SLX9: variants seen among roughly 807,000 people sequenced by gnomAD.
SLX9 encodes ribosome biogenesis protein SLX9 homolog.
SLX9 carries 19 observed loss-of-function variants against 20.8 expected under a neutral mutation model. The observed-to-expected ratio is 0.91, with a 90% confidence interval of 0.64 to 1.34. SLX9 has a LOEUF of 1.34. SLX9 is among the 40% of genes most tolerant of loss of function. The pLI is 0.00. For missense variants in SLX9, 299 were observed against 322.2 expected, an observed-to-expected ratio of 0.93 and a Z score of 0.55; for synonymous variants, 113 against 137.1, an observed-to-expected ratio of 0.82 and a Z score of 1.23.
At chr21:44,971,761 G>C (rs890203828) in intron 4 of SLX9, among the ~76,000 whole-genome samples, 7 of 152,208 alleles carry the variant, frequency 4.6e-5, no homozygotes, top group Non-Finnish European at 8.8e-5. Flanking sequence ...GGCAGTCAGT[G>C]AGGGAGCTGC....
intron 4 of SLX9, among the ~76,000 whole-genome samples, chr21:44,971,387 TG>T (rs869261705): frequency 6.5e-3 from 1 of 154 alleles, no homozygotes; most frequent in East Asian, 0.083. Context: ...GAAACCCCAC[TG>T]GGTAGGCTGT....
At position 44,961,015 on chromosome 21, in the gene SLX9, A is replaced by G. The variant is rs144164514; in HGVS notation, c.352+847A>G. ...TGTTTTTCAGAGGTAGGACCTAGAA[A>G]ACTTTGTCAGTTTCTTTTGTGATTA... On this transcript the variant is annotated intron_variant, in intron 3 of 5. Transcript: ENST00000291634. 3.3e-3 allele frequency among the ~76,000 whole-genome samples: 500 copies of G among 152,320 alleles called. 2 individuals are homozygous for G. The highest frequency in any genetic ancestry group is 0.01 in the Middle Eastern group (3 of 294).
chr21:44,962,974 CT>C (rs1028057790), intron 3 of SLX9, among the ~76,000 whole-genome samples: 8 of 152,058 alleles, frequency 5.3e-5, no homozygotes, highest in Admixed American at 3.3e-4. Context: ...TTTCATGAGG[CT>C]TTTTGTCTTT....
At chr21:44,951,631 C>T (rs907767251) in intron 2 of SLX9, among the ~76,000 whole-genome samples, 14 of 152,148 alleles carry the variant, frequency 9.2e-5, no homozygotes, top group African/African-American at 1.2e-4. Context: ...TAGACAAATA[C>T]GCAACATTGG....
chr21:44,948,303 G>A (rs1186595655), intron 2 of SLX9, among the ~76,000 whole-genome samples: 2 of 140,012 alleles, frequency 1.4e-5, no homozygotes, highest in Non-Finnish European at 3.1e-5. Flanking sequence ...AGCATCGGGC[G>A]GTCCGGGGAG....
intron 2 of SLX9, among the ~76,000 whole-genome samples, chr21:44,955,043 C>T (rs1568935067): frequency 6.6e-6 from 1 of 151,916 alleles, no homozygotes; most frequent in African/African-American, 2.4e-5. Context: ...ATGAAAGACC[C>T]CGTCTCTACT....
At chr21:44,960,230 T>TA in intron 3 of SLX9, 62 bp downstream of exon 3, 3 of 1,478,608 alleles carry the variant, frequency 2.0e-6, no homozygotes, top group Non-Finnish European at 2.8e-6. Flanking sequence ...TGGGCCCTCC[T>TA]ATTCCTACAG....
intron 4 of SLX9, among the ~76,000 whole-genome samples, chr21:44,972,432 C>T (rs1004736698): frequency 1.3e-5 from 2 of 152,166 alleles, no homozygotes; most frequent in African/African-American, 4.8e-5. Context: ...CTGGCCCGCC[C>T]GTGCCCTTAG....
At chr21:44,959,114 C>T (rs1300831606) in intron 2 of SLX9, 1 of 666,538 alleles carries the variant, frequency 1.5e-6, no homozygotes, top group African/African-American at 2.0e-5. Context: ...CCTGCGGGAG[C>T]CCTGGGCCTT....
chr21:44,953,284 G>A (rs1042706894), intron 2 of SLX9, among the ~76,000 whole-genome samples: 1 of 152,226 alleles, frequency 6.6e-6, no homozygotes, highest in Non-Finnish European at 1.5e-5. Flanking sequence ...TTTCTGATGT[G>A]TGCTTGTCTG....
In SLX9 at chr21:44,940,040, C is replaced by A; in HGVS notation, c.-18C>A. 7.0e-7 allele frequency: 1 copy of A among 1,430,280 alleles called. No homozygotes were observed. The highest frequency in any genetic ancestry group is 9.2e-7 in the Non-Finnish European group (1 of 1,092,402). 88.6% of individuals were successfully genotyped at this position (1,430,280 alleles called of 1,614,324 possible). On this transcript the variant is annotated 5_prime_UTR_variant, in exon 1 of 6. Transcript: ENST00000291634. Reference sequence around the variant, plus strand: ...TTCCGGGAGGCGCTCCGCACGTTTGCCGTGCTCCGCCGGGAAGATGGGGAA... The same window carrying A: ...TTCCGGGAGGCGCTCCGCACGTTTGACGTGCTCCGCCGGGAAGATGGGGAA...
rs1830156132 is a variant in SLX9, at chr21:44,956,235, T to G, written c.284-3865T>G. ...AATTTGTTCATGTTATTTTTTTCTC[T>G]GCGGAGGTTTAAAGTTTCTCTGTAG... On this transcript the variant is annotated intron_variant, in intron 2 of 5. Transcript: ENST00000291634. Among the ~76,000 whole-genome samples the G allele has an allele frequency of 1.3e-5, 2 of 152,250 alleles. 1 individual carries two copies. Among genetic ancestry groups the G allele is most frequent in the Admixed American group, 1.3e-4 (2 of 15,292 alleles).
At chr21:44,965,234 G>T (rs1299834868) in intron 3 of SLX9, among the ~76,000 whole-genome samples, 1 of 152,196 alleles carries the variant, frequency 6.6e-6, no homozygotes, top group Non-Finnish European at 1.5e-5. Flanking sequence ...GAGAAGAACT[G>T]CACTCTCCCG....
At chr21:44,968,637 G>C (rs112388162) in intron 4 of SLX9, among the ~76,000 whole-genome samples, 1 of 152,250 alleles carries the variant, frequency 6.6e-6, no homozygotes. Flanking sequence ...CTGAGGCTCT[G>C]GGCTCAGGCG....
chr21:44,959,025 C>G (rs932433339), intron 2 of SLX9, among the ~76,000 whole-genome samples: 1 of 152,140 alleles, frequency 6.6e-6, no homozygotes, highest in Non-Finnish European at 1.5e-5. Flanking sequence ...CCTTTGTGGT[C>G]GGGAGGGAGA....
At chr21:44,950,375 T>G (rs918118322) in intron 2 of SLX9, among the ~76,000 whole-genome samples, 1 of 152,190 alleles carries the variant, frequency 6.6e-6, no homozygotes, top group African/African-American at 2.4e-5. Context: ...GGAGGTTACA[T>G]GGAGATGGCT....
At chr21:44,976,183 C>T (rs1043415659) in intron 5 of SLX9, among the ~76,000 whole-genome samples, 9 of 152,254 alleles carry the variant, frequency 5.9e-5, no homozygotes, top group African/African-American at 2.2e-4. Context: ...GGCTGGGTGG[C>T]GGCTGGGGTG....
At chr21:44,968,017 G>A (rs2085070617) in intron 4 of SLX9, among the ~76,000 whole-genome samples, 1 of 148,538 alleles carries the variant, frequency 6.7e-6, no homozygotes, top group Non-Finnish European at 1.5e-5. Context: ...GAGAGCTGGG[G>A]TGGTGGGTTC....
intron 2 of SLX9, among the ~76,000 whole-genome samples, chr21:44,958,912 C>G (rs2084906430): frequency 1.3e-5 from 2 of 152,268 alleles, no homozygotes; most frequent in Admixed American, 6.5e-5. Flanking sequence ...TTCATTCCAA[C>G]ACAACACAGG....
Sources: gnomAD v4.1 joint callset for allele counts (sites outside exome capture counted in the v4.1 genomes callset) on GRCh38, gnomAD v4.1.1 for gene constraint, MANE v1.5 for transcripts, NCBI Gene and HGNC (gene_info 2026-07-23, HGNC 2026-07-21) for gene names.